DMXL2: variants seen among roughly 807,000 people sequenced by gnomAD.
DMXL2 encodes dmX-like protein 2.
DMXL2 carries 103 observed loss-of-function variants against 331.1 expected under a neutral mutation model. The observed-to-expected ratio is 0.31, with a 90% CI of 0.27 to 0.37. The LOEUF (loss-of-function observed/expected upper bound fraction) is 0.37. DMXL2 is among the 10% of genes least tolerant of loss of function. The pLI is 1.00. For synonymous variants in DMXL2, 1,281 were observed against 1,252.1 expected, an observed-to-expected ratio of 1.02 and a Z score of -0.49; for missense variants, 3,171 against 3,642.9, an observed-to-expected ratio of 0.87 and a Z score of 3.33.
At chr15:51,528,851 T>C (rs1185489321) in intron 13 of DMXL2, among the ~76,000 whole-genome samples, 3 of 152,172 alleles carry the variant, frequency 2.0e-5, no homozygotes, top group Non-Finnish European at 4.4e-5. Context: ...GGACAGACCA[T>C]ACGTTAGGTC....
chr15:51,618,804 TCCC>T (rs2054450683), intron 1 of DMXL2, among the ~76,000 whole-genome samples: 1 of 152,202 alleles, frequency 6.6e-6, no homozygotes, highest in African/African-American at 2.4e-5. Context: ...CTTCTTGTTT[TCCC>T]AACTACAATC....
intron 9 of DMXL2, among the ~76,000 whole-genome samples, chr15:51,541,753 G>A (rs1015501749): frequency 1.3e-5 from 2 of 152,004 alleles, no homozygotes; most frequent in Non-Finnish European, 2.9e-5. Context: ...CATGTAGAAG[G>A]AAAACATATT....
chr15:51,577,938 A>G (rs1362240498), intron 1 of DMXL2, among the ~76,000 whole-genome samples: 2 of 152,228 alleles, frequency 1.3e-5, no homozygotes, highest in African/African-American at 4.8e-5. Context: ...TTTAAGAAAC[A>G]GAACAGTGCA....
chr15:51,466,151 A>T lies in DMXL2; in HGVS notation c.7520+33T>A, dbSNP rs967786908. 2.6e-6 allele frequency: 4 copies of T among 1,517,368 alleles called. No individual in the cohort carries two copies. In the African/African-American group the frequency reaches 6.0e-5, roughly 23 times the overall value. 94.0% of individuals were successfully genotyped at this position (1,517,368 alleles called of 1,614,324 possible). ...TATTTTCTACAAAAAGAAAAGCCAA[A>T]AAAAAAATGAGAGAAAGAAAAGTCT... On this transcript the variant is annotated intron_variant, in intron 30 of 43. Transcript: ENST00000560891.
intron 13 of DMXL2, among the ~76,000 whole-genome samples, chr15:51,529,052 TG>T (rs1436477020): frequency 2.0e-5 from 3 of 152,076 alleles, no homozygotes; most frequent in Non-Finnish European, 1.5e-5. Context: ...AAAAATTTCT[TG>T]AAACAAATGA....
chr15:51,492,644 C>T (rs925608366), intron 19 of DMXL2, among the ~76,000 whole-genome samples: 5 of 152,140 alleles, frequency 3.3e-5, no homozygotes, highest in Non-Finnish European at 7.3e-5. Flanking sequence ...ATTCGACTTA[C>T]AGCAGGTAAA....
chr15:51,552,825 G>C (rs142879905), intron 6 of DMXL2, among the ~76,000 whole-genome samples: 1 of 152,292 alleles, frequency 6.6e-6, no homozygotes, highest in East Asian at 1.9e-4. Context: ...CAAATTGCCA[G>C]AGAACTCCTG....
intron 8 of DMXL2, among the ~76,000 whole-genome samples, chr15:51,544,241 G>A (rs979354272): frequency 1.3e-5 from 2 of 152,136 alleles, no homozygotes; most frequent in African/African-American, 2.4e-5. Context: ...GGCGGATCCC[G>A]CATGGCTTGG....
intron 6 of DMXL2, among the ~76,000 whole-genome samples, chr15:51,552,177 A>C (rs1019416824): frequency 2.0e-5 from 3 of 152,242 alleles, no homozygotes; most frequent in African/African-American, 7.2e-5. Flanking sequence ...CGGAAGGGCC[A>C]GATCATACAG....
At chr15:51,592,049 G>T (rs898668371) in intron 1 of DMXL2, among the ~76,000 whole-genome samples, 1 of 152,284 alleles carries the variant, frequency 6.6e-6, no homozygotes, top group Non-Finnish European at 1.5e-5. Flanking sequence ...ATCAGCAACG[G>T]AACAAAGCTG....
At chr15:51,495,652 C>A (rs1416205710) in intron 18 of DMXL2, among the ~76,000 whole-genome samples, 4 of 152,166 alleles carry the variant, frequency 2.6e-5, no homozygotes, top group South Asian at 4.2e-4. Flanking sequence ...TTAGTTTGAA[C>A]CTTCACCTTG....
At chr15:51,456,759 C>G (rs2141212851) in intron 37 of DMXL2, among the ~76,000 whole-genome samples, 1 of 152,278 alleles carries the variant, frequency 6.6e-6, no homozygotes, top group East Asian at 1.9e-4. Context: ...CATGAATTCC[C>G]CTTTAACTTT....
intron 13 of DMXL2, among the ~76,000 whole-genome samples, chr15:51,517,839 A>T (rs2047121826): frequency 6.6e-6 from 1 of 152,270 alleles, no homozygotes; most frequent in Non-Finnish European, 1.5e-5. Context: ...GTAGGGAGAT[A>T]TAAGTACAAG....
intron 23 of DMXL2, 87 bp from the exon 24 acceptor site, chr15:51,481,710 CA>C: frequency 2.4e-6 from 3 of 1,264,844 alleles, no homozygotes; most frequent in Non-Finnish European, 3.2e-6. Context: ...AGCATTTCTT[CA>C]AAAAAACAAC....
At chr15:51,488,735 G>T in intron 20 of DMXL2, 90 bp from the exon 21 acceptor site, 1 of 1,137,098 alleles carries the variant, frequency 8.8e-7, no homozygotes, top group Middle Eastern at 2.1e-4. Context: ...TACTTCCATG[G>T]CTGATAGAAA....
chr15:51,453,750 GT>G lies in DMXL2; in HGVS notation c.8605-110del, dbSNP rs1486428836. The G allele has an allele frequency of 1.9e-5, 16 of 858,622 alleles. No individual in the cohort carries two copies. In the East Asian group the frequency reaches 4.6e-4, roughly 24 times the overall value. The allele number at this position is 858,622 out of a possible 1,614,324, so 53.2% of individuals were successfully genotyped here. A position where few individuals can be genotyped will look rare whatever the true frequency, so the allele number is the denominator to read the frequency against. On this transcript the variant is annotated intron_variant, in intron 40 of 43. Coordinates refer to ENST00000560891, the MANE Select transcript of DMXL2 (RefSeq NM_001378457.1). The stretch of plus-strand genomic sequence containing the variant: ...ATACTATATGCATGAGCTAAAAATA[GT>G]TTTTAAAAACTCGGTCTAGGATAAA...
In DMXL2 at chr15:51,487,996, A is replaced by T. The variant is rs773854481; in HGVS notation, c.5175T>A (p.Ala1725=). ...LLGKQRFEQS[A]AFFLLAGSLK... ...ATGAACCAGCTAGCAAGAAAAAAGC[A>T]GCCGATTGTTCAAAGCGTTGTTTTC... is the stretch of plus-strand genomic sequence containing the variant. The change falls in exon 22 of 44, where the codon GCT becomes GCA. Residue 1725 remains alanine (A), a synonymous_variant. Coordinates refer to ENST00000560891, the MANE Select transcript of DMXL2 (RefSeq NM_001378457.1). 6.2e-7 allele frequency: 1 copy of T among 1,612,700 alleles called. No individual in the cohort carries two copies. The highest frequency in any genetic ancestry group is 8.5e-7 in the Non-Finnish European group (1 of 1,179,524).
In DMXL2 at chr15:51,498,724, T is replaced by C. The variant is rs761615708; in HGVS notation, c.4500A>G (p.Gln1500=). The C allele has an allele frequency of 1.9e-5, 31 of 1,614,078 alleles. No homozygotes were observed. In the Admixed American group the frequency reaches 4.8e-4, roughly 25 times the overall value. Residue 1500 remains glutamine (Q), a synonymous_variant, in exon 18 of 44, where the codon CAA becomes CAG. Transcript: ENST00000560891. ...ENKSKVINLS[Q]YGPAYFGQEH... ...CTTGGCCAAAGTAAGCTGGTCCATATTGAGAAAGATTTATTACTTTTGATT... is the reference window on the plus strand; with the variant it reads ...CTTGGCCAAAGTAAGCTGGTCCATACTGAGAAAGATTTATTACTTTTGATT...
intron 19 of DMXL2, among the ~76,000 whole-genome samples, chr15:51,492,841 A>G (rs2042904367): frequency 6.6e-6 from 1 of 152,210 alleles, no homozygotes; most frequent in African/African-American, 2.4e-5. Context: ...TCTCAATGCT[A>G]TTAAGTATCT....
Sources: allele counts gnomAD v4.1 joint callset (sites outside exome capture counted in the v4.1 genomes callset), GRCh38; gene constraint gnomAD v4.1.1; transcripts MANE v1.5; gene names NCBI Gene and HGNC (gene_info 2026-07-23, HGNC 2026-07-21).